TECRL: variants seen among roughly 807,000 people sequenced by gnomAD.
TECRL encodes trans-2,3-enoyl-CoA reductase-like.
In TECRL, 63 loss-of-function variants were observed where a neutral mutation model predicts 52.8. That is an observed-to-expected ratio of 1.19 (90% confidence interval 0.97 to 1.47). The LOEUF is 1.47. TECRL is among the 40% of genes most tolerant of loss of function. TECRL has a pLI of 0.00. For missense variants in TECRL, 482 were observed against 429.6 expected (o/e 1.12, Z -1.08); for synonymous variants, 164 against 141.9 (o/e 1.16, Z -1.10).
chr4:64,341,319 G>A (rs973735510), intron 2 of TECRL, among the ~76,000 whole-genome samples: 3 of 152,148 alleles, frequency 2.0e-5, no homozygotes, highest in African/African-American at 7.2e-5. Flanking sequence ...TGGAGCTAAA[G>A]GCCAGGCAAG....
intron 9 of TECRL, among the ~76,000 whole-genome samples, chr4:64,284,575 C>T (rs529620740): frequency 4.6e-5 from 7 of 152,032 alleles, no homozygotes; most frequent in South Asian, 4.2e-4. Flanking sequence ...TAGTAGTGAA[C>T]GGGATTAAAG....
intron 2 of TECRL, among the ~76,000 whole-genome samples, chr4:64,354,953 A>G (rs1037085124): frequency 6.6e-6 from 1 of 152,210 alleles, no homozygotes; most frequent in African/African-American, 2.4e-5. Context: ...TTCCTTTAGT[A>G]AAAAGAACCA....
chr4:64,281,000 T>C (rs368960493), intron 11 of TECRL, 41 bp downstream of exon 11: 21 of 1,443,756 alleles, frequency 1.5e-5, no homozygotes, highest in Non-Finnish European at 1.7e-5. Context: ...ATCTTAAAGA[T>C]GCATTTATTT....
chr4:64,356,499 T>C (rs1203414046), intron 2 of TECRL, among the ~76,000 whole-genome samples: 1 of 152,134 alleles, frequency 6.6e-6, no homozygotes, highest in African/African-American at 2.4e-5. Flanking sequence ...GCTTTGTTAT[T>C]CTTTACTCCA....
intron 4 of TECRL, among the ~76,000 whole-genome samples, chr4:64,316,733 A>G (rs2110016557): frequency 6.6e-6 from 1 of 152,272 alleles, no homozygotes; most frequent in East Asian, 1.9e-4. Context: ...ATAATACAGA[A>G]TTATACTGAA....
At chr4:64,315,022 ATTTTAT>A (rs1261799632) in intron 4 of TECRL, among the ~76,000 whole-genome samples, 2 of 152,106 alleles carry the variant, frequency 1.3e-5, no homozygotes, top group African/African-American at 4.8e-5. Flanking sequence ...TAAAAAGGAG[ATTTTAT>A]TTTAATAAAC....
At chr4:64,320,464 G>A (rs551487380) in intron 4 of TECRL, among the ~76,000 whole-genome samples, 1 of 152,016 alleles carries the variant, frequency 6.6e-6, no homozygotes, top group South Asian at 2.1e-4. Context: ...GACTCATTTG[G>A]AGCAAAAAGA....
intron 2 of TECRL, among the ~76,000 whole-genome samples, chr4:64,347,189 C>A (rs1455557836): frequency 6.6e-6 from 1 of 152,102 alleles, no homozygotes; most frequent in African/African-American, 2.4e-5. Flanking sequence ...TGCAGTGAGG[C>A]CATAGTGCAA....
At chr4:64,298,470 A>G (rs1723814014) in intron 8 of TECRL, among the ~76,000 whole-genome samples, 1 of 151,264 alleles carries the variant, frequency 6.6e-6, no homozygotes, top group Admixed American at 6.6e-5. Flanking sequence ...ATGTCTAATT[A>G]TGCCTCTTAA....
Position 64,409,411 on chromosome 4 carries a change from T to TGAATGATTTC in TECRL, c.-61_-60insGAAATCATTC. On this transcript the variant is annotated 5_prime_UTR_variant, in exon 1 of 12. An upstream open reading frame in the 5' UTR loses its in-frame stop. Transcript: ENST00000381210. ...AGTAGAAAATTGCAAGTGTGTTCCT[T>TGAATGATTTC]TTGCATCAGTTAAATACTGCTGGAG... The TGAATGATTTC allele has an allele frequency of 6.3e-7, 1 of 1,579,060 alleles. No individual in the cohort carries two copies.
intron 1 of TECRL, among the ~76,000 whole-genome samples, chr4:64,388,414 T>C (rs576955891): frequency 6.6e-6 from 1 of 152,014 alleles, no homozygotes; most frequent in East Asian, 1.9e-4. Flanking sequence ...CACATTTTCT[T>C]GCTTGCTATA....
At chr4:64,285,544 T>C (rs1022661058) in intron 9 of TECRL, among the ~76,000 whole-genome samples, 3 of 151,998 alleles carry the variant, frequency 2.0e-5, no homozygotes, top group Non-Finnish European at 2.9e-5. Flanking sequence ...AATATGTTAG[T>C]GAGGGAATAA....
At chr4:64,322,920 A>AAG in intron 3 of TECRL, 128 bp from the exon 4 acceptor site, 1 of 687,656 alleles carries the variant, frequency 1.5e-6, no homozygotes. Flanking sequence ...TGTACAAGAA[A>AAG]TCTTCAAAGT....
chr4:64,408,918 A>G (rs2109804409), intron 1 of TECRL, among the ~76,000 whole-genome samples, 200 bp downstream of exon 1: 1 of 152,272 alleles, frequency 6.6e-6, no homozygotes, highest in African/African-American at 2.4e-5. Context: ...ATTAATTTAA[A>G]TTGAGTATGA....
At chr4:64,369,368 A>T (rs570821608) in intron 2 of TECRL, among the ~76,000 whole-genome samples, 1 of 152,224 alleles carries the variant, frequency 6.6e-6, no homozygotes, top group South Asian at 2.1e-4. Flanking sequence ...CTGCCATATG[A>T]CCTTAGACAG....
At chr4:64,364,924 G>A (rs1263797114) in intron 2 of TECRL, among the ~76,000 whole-genome samples, 4 of 151,714 alleles carry the variant, frequency 2.6e-5, no homozygotes, top group Admixed American at 6.6e-5. Context: ...GCATTATTCC[G>A]ATACCAAAAT....
At chr4:64,377,751 A>G (rs1222045597) in intron 1 of TECRL, among the ~76,000 whole-genome samples, 1 of 152,128 alleles carries the variant, frequency 6.6e-6, no homozygotes, top group Non-Finnish European at 1.5e-5. Flanking sequence ...TCGTTCAAGC[A>G]TTTAATCTGG....
At chr4:64,288,734 T>C (rs1044827701) in intron 9 of TECRL, among the ~76,000 whole-genome samples, 1 of 152,122 alleles carries the variant, frequency 6.6e-6, no homozygotes, top group African/African-American at 2.4e-5. Flanking sequence ...CACCACAGCT[T>C]TCTGAATCCT....
At chr4:64,363,548 C>T (rs1721351523) in intron 2 of TECRL, among the ~76,000 whole-genome samples, 1 of 152,120 alleles carries the variant, frequency 6.6e-6, no homozygotes, top group Non-Finnish European at 1.5e-5. Flanking sequence ...GGAACAGGAA[C>T]TCACATTCTG....
Sources: gnomAD v4.1 joint callset for allele counts (sites outside exome capture counted in the v4.1 genomes callset) on GRCh38, gnomAD v4.1.1 for gene constraint, MANE v1.5 for transcripts, NCBI Gene and HGNC (gene_info 2026-07-23, HGNC 2026-07-21) for gene names.